Variants in BPNT1 observed in about 807,000 individuals in gnomAD.
BPNT1 encodes 3'(2'), 5'-bisphosphate nucleotidase 1.
BPNT1 carries 28 observed loss-of-function variants against 36.9 expected under a neutral mutation model. That is an observed-to-expected ratio of 0.76 (90% CI 0.56 to 1.04). The LOEUF is 1.04. Ranked by LOEUF, BPNT1 falls within the 50% of genes least tolerant of loss-of-function variation. BPNT1 has a pLI of 0.00. For synonymous variants in BPNT1, 119 were observed against 130.9 expected (o/e 0.91, Z 0.62); for missense variants, 313 against 372.9 (o/e 0.84, Z 1.32).
intron 6 of BPNT1, 100 bp from the exon 7 acceptor site, chr1:220,063,054 AT>A: frequency 7.4e-7 from 1 of 1,353,466 alleles, no homozygotes; most frequent in East Asian, 2.4e-5. Flanking sequence ...GATTTAAAAA[AT>A]AAAAACATGA....
At chr1:220,059,361 G>A (rs1219146283) in intron 8 of BPNT1, among the ~76,000 whole-genome samples, 1 of 139,120 alleles carries the variant, frequency 7.2e-6, no homozygotes, top group African/African-American at 2.7e-5. Context: ...AGGGTGCAGT[G>A]AGCCATGATT....
At chr1:220,073,006 A>G (rs760494388) in intron 3 of BPNT1, 49 bp from the exon 4 acceptor site, 3 of 1,419,288 alleles carry the variant, frequency 2.1e-6, no homozygotes, top group Non-Finnish European at 2.0e-6. Flanking sequence ...TAGTGTTTAC[A>G]GAGTATGCTT....
intron 7 of BPNT1, among the ~76,000 whole-genome samples, chr1:220,060,534 G>A (rs2102626480): frequency 6.6e-6 from 1 of 152,248 alleles, no homozygotes; most frequent in East Asian, 1.9e-4. Context: ...ATAAAGGACA[G>A]AGAAGTATCA....
chr1:220,059,254 T>C (rs1283156620), intron 8 of BPNT1, among the ~76,000 whole-genome samples: 1 of 133,770 alleles, frequency 7.5e-6, no homozygotes, highest in Non-Finnish European at 1.6e-5. Flanking sequence ...TTTTTTTTTT[T>C]TTTTTTTTTT....
At chr1:220,082,002 C>T (rs1320441458) in intron 1 of BPNT1, among the ~76,000 whole-genome samples, 1 of 149,192 alleles carries the variant, frequency 6.7e-6, no homozygotes. Flanking sequence ...AAACTTCCCA[C>T]CTCTAAATCA....
intron 7 of BPNT1, 77 bp downstream of exon 7, chr1:220,062,680 T>C: frequency 1.3e-6 from 2 of 1,516,934 alleles, no homozygotes; most frequent in Non-Finnish European, 1.8e-6. Flanking sequence ...GGCTAAACTC[T>C]TATTTCATGT....
chr1:220,082,085 TAG>T (rs3055555), intron 1 of BPNT1, among the ~76,000 whole-genome samples: 13,380 of 102,458 alleles, frequency 0.13, 776 homozygotes, highest in East Asian at 0.18. Flanking sequence ...TATATATATA[TAG>T]AGAGAGAGAG....
chr1:220,085,211 G>C (rs983787363), intron 1 of BPNT1, among the ~76,000 whole-genome samples: 2 of 152,162 alleles, frequency 1.3e-5, no homozygotes, highest in Admixed American at 1.3e-4. Flanking sequence ...GGTAGATTAA[G>C]AGCAAGGCCC....
At chr1:220,088,688 G>A (rs1248270634) in intron 1 of BPNT1, among the ~76,000 whole-genome samples, 1 of 151,464 alleles carries the variant, frequency 6.6e-6, no homozygotes, top group Non-Finnish European at 1.5e-5. Context: ...TGCTCGGGAG[G>A]CTGAGGTGGG....
chr1:220,078,951 A>C (rs1664856964), intron 2 of BPNT1, among the ~76,000 whole-genome samples: 1 of 152,154 alleles, frequency 6.6e-6, no homozygotes, highest in African/African-American at 2.4e-5. Flanking sequence ...TTAAGAATTG[A>C]CTATCACTAT....
At position 220,074,112 on chromosome 1, in the gene BPNT1, A is replaced by G. The variant is rs779505984; in HGVS notation, c.121-41T>C. On this transcript the variant is annotated intron_variant, in intron 2 of 8. Coordinates refer to ENST00000322067, the MANE Select transcript of BPNT1 (RefSeq NM_006085.6). ...CAAATTTTAGCAGAGCTAATGAAAA[A>G]TAAGTTGTCCTCTGATTCCTTGTGC... 8 of 1,578,104 alleles carry G rather than the reference A, an allele frequency of 5.1e-6. No homozygotes were observed. In the South Asian group the frequency reaches 6.9e-5, roughly 14 times the overall value.
chr1:220,089,163 A>G (rs1319911455), intron 1 of BPNT1, among the ~76,000 whole-genome samples: 1 of 151,912 alleles, frequency 6.6e-6, no homozygotes, highest in African/African-American at 2.4e-5. Context: ...AAGAAGAAAA[A>G]AGAAGAAAGA....
intron 1 of BPNT1, among the ~76,000 whole-genome samples, chr1:220,084,709 T>C (rs780367091): frequency 2.6e-5 from 4 of 152,244 alleles, no homozygotes; most frequent in Non-Finnish European, 4.4e-5. Flanking sequence ...GCCAAGTCCA[T>C]GGTGTTTTCT....
chr1:220,071,534 C>G (rs1434517502), intron 4 of BPNT1, among the ~76,000 whole-genome samples: 7 of 152,102 alleles, frequency 4.6e-5, no homozygotes, highest in Non-Finnish European at 7.4e-5. Flanking sequence ...ACATGTAAAA[C>G]TGCACAAGGT....
At chr1:220,059,934 T>C (rs1376595443) in intron 7 of BPNT1, 143 bp from the exon 8 acceptor site, 1 of 577,366 alleles carries the variant, frequency 1.7e-6, no homozygotes, top group Non-Finnish European at 3.0e-6. Flanking sequence ...TAGTTAAAGC[T>C]TTTAGCAGGT....
chr1:220,070,001 C>T (rs1008996032), intron 4 of BPNT1, among the ~76,000 whole-genome samples: 2 of 151,894 alleles, frequency 1.3e-5, no homozygotes, highest in Non-Finnish European at 2.9e-5. Flanking sequence ...AGTTTGTTGT[C>T]ATTTGAACAC....
chr1:220,082,130 T>C lies in BPNT1; in HGVS notation c.-8-2276A>G, dbSNP rs1018931662. On this transcript the variant is annotated intron_variant, in intron 1 of 8. Coordinates refer to ENST00000322067, the MANE Select transcript of BPNT1 (RefSeq NM_006085.6). Reference sequence around the variant, plus strand: ...GAGAGAGAGAGAGAGAGTGTATATATATATAAAATATATATGATATATATG... The same window carrying C: ...GAGAGAGAGAGAGAGAGTGTATATACATATAAAATATATATGATATATATG... Among the ~76,000 whole-genome samples the C allele has an allele frequency of 5.5e-5, 8 of 145,646 alleles. No homozygotes were observed. The East Asian group carries it at 1.6e-3, about 29-fold the overall frequency.
At chr1:220,080,839 C>G (rs1665038714) in intron 1 of BPNT1, among the ~76,000 whole-genome samples, 1 of 152,292 alleles carries the variant, frequency 6.6e-6, no homozygotes, top group East Asian at 1.9e-4. Flanking sequence ...CGTCAGTAGC[C>G]AGATAAAGAG....
At chr1:220,082,695 T>C (rs1369249814) in intron 1 of BPNT1, among the ~76,000 whole-genome samples, 2 of 151,906 alleles carry the variant, frequency 1.3e-5, no homozygotes, top group African/African-American at 4.8e-5. Flanking sequence ...CAAGTGATTC[T>C]TGTGCTTCAG....
Sources: gnomAD v4.1 joint callset for allele counts (sites outside exome capture counted in the v4.1 genomes callset) on GRCh38, gnomAD v4.1.1 for gene constraint, MANE v1.5 for transcripts, NCBI Gene and HGNC (gene_info 2026-07-23, HGNC 2026-07-21) for gene names.